RALGPS1: variants seen among roughly 807,000 people sequenced by gnomAD.
RALGPS1 encodes ras-specific guanine nucleotide-releasing factor RalGPS1.
In RALGPS1, 19 loss-of-function variants were observed where a neutral mutation model predicts 78.8. The observed-to-expected ratio is 0.24, with a 90% CI of 0.17 to 0.35. The LOEUF (loss-of-function observed/expected upper bound fraction) is 0.35, where lower values mean the gene tolerates loss of function less well. RALGPS1 is among the 10% of genes least tolerant of loss of function. RALGPS1 has a pLI of 1.00. For missense variants in RALGPS1, 454 were observed against 688.3 expected (o/e 0.66, Z 3.81); for synonymous variants, 228 against 256.3 (o/e 0.89, Z 1.06).
chr9:127,043,279 G>A (rs553813681), intron 5 of RALGPS1, among the ~76,000 whole-genome samples: 5 of 152,242 alleles, frequency 3.3e-5, no homozygotes, highest in South Asian at 2.1e-4. Context: ...CCCATAGGTC[G>A]ATGGAGCTGA....
At chr9:127,125,069 T>A (rs2789508) in intron 8 of RALGPS1, among the ~76,000 whole-genome samples, 1 of 152,188 alleles carries the variant, frequency 6.6e-6, no homozygotes, top group East Asian at 1.9e-4. Flanking sequence ...GGAGTCAGAT[T>A]CTAGTTCTAC....
Position 127,183,950 on chromosome 9 carries a change from A to C in RALGPS1, c.910+9168A>C, listed in dbSNP as rs1014401195. 9.7e-6 allele frequency: 15 copies of C among 1,550,340 alleles called. No homozygotes were observed. In the African/African-American group the frequency reaches 2.1e-4, roughly 21 times the overall value. ...CACCTCTGGCCAACACCCTGCCTGG[A>C]TGTGGCCCAGCTCCTCACGAGTACC... On this transcript the variant is annotated intron_variant, in intron 11 of 18. Coordinates refer to ENST00000259351, the MANE Select transcript of RALGPS1 (RefSeq NM_014636.3). This position sits in a 1 kb window ranked among gnomAD's most constrained non-coding sequence, Gnocchi z 4.0.
At chr9:126,958,770 G>A (rs979238987) in intron 1 of RALGPS1, among the ~76,000 whole-genome samples, 3 of 151,978 alleles carry the variant, frequency 2.0e-5, no homozygotes, top group African/African-American at 7.3e-5. Flanking sequence ...TCTTTTTTTA[G>A]GTAGATACCT....
At chr9:127,062,961 G>T (rs2049352350) in intron 7 of RALGPS1, among the ~76,000 whole-genome samples, 1 of 151,996 alleles carries the variant, frequency 6.6e-6, no homozygotes, top group Non-Finnish European at 1.5e-5. Flanking sequence ...GAATCCATTG[G>T]TCCATAGATT....
intron 8 of RALGPS1, among the ~76,000 whole-genome samples, chr9:127,130,178 T>A (rs10819268): frequency 0.18 from 26,729 of 152,184 alleles, 3,149 homozygotes; most frequent in East Asian, 0.45. Context: ...CTGTAACTTA[T>A]GAAATTTACC....
intron 8 of RALGPS1, among the ~76,000 whole-genome samples, chr9:127,132,679 T>C (rs752148095): frequency 6.6e-6 from 1 of 152,238 alleles, no homozygotes; most frequent in Non-Finnish European, 1.5e-5. Flanking sequence ...GGCCTGCCCT[T>C]CCCAGCTGAA....
At chr9:127,031,100 C>G (rs1452971058) in intron 4 of RALGPS1, among the ~76,000 whole-genome samples, 1 of 152,314 alleles carries the variant, frequency 6.6e-6, no homozygotes, top group East Asian at 1.9e-4. Context: ...CAGTGGCTCA[C>G]CACAGACACA....
At chr9:127,030,820 T>C (rs971897224) in intron 4 of RALGPS1, among the ~76,000 whole-genome samples, 3 of 152,068 alleles carry the variant, frequency 2.0e-5, no homozygotes, top group African/African-American at 4.8e-5. Flanking sequence ...CCCTCTTTCA[T>C]TAAAGCCAGA....
intron 4 of RALGPS1, among the ~76,000 whole-genome samples, chr9:127,019,862 C>A (rs2045278241): frequency 1.3e-5 from 2 of 152,068 alleles, no homozygotes. Context: ...GTGTTTCTCT[C>A]AATTGTATAA....
intron 17 of RALGPS1, chr9:127,213,816 C>T (rs1481488308): frequency 6.6e-6 from 1 of 152,250 alleles, no homozygotes; most frequent in Non-Finnish European, 1.5e-5. Flanking sequence ...TTGGATTCAA[C>T]AGATCTGGGG....
chr9:127,082,432 A>G (rs968640070), intron 8 of RALGPS1, among the ~76,000 whole-genome samples: 2 of 128,686 alleles, frequency 1.6e-5, no homozygotes, highest in African/African-American at 5.0e-5. Context: ...ACCTTCTGGT[A>G]TCAAGCTGCT....
chr9:126,939,839 C>G (rs1201368623), intron 1 of RALGPS1, among the ~76,000 whole-genome samples: 1 of 152,188 alleles, frequency 6.6e-6, no homozygotes, highest in East Asian at 1.9e-4. Flanking sequence ...AAGCAGAGAG[C>G]CTGCAGAGGA....
intron 1 of RALGPS1, among the ~76,000 whole-genome samples, chr9:126,955,248 T>A (rs1458154646): frequency 6.6e-6 from 1 of 152,244 alleles, no homozygotes; most frequent in Non-Finnish European, 1.5e-5. Flanking sequence ...AGGGACCTTC[T>A]GTGCCTGCCC....
intron 8 of RALGPS1, among the ~76,000 whole-genome samples, chr9:127,083,559 G>C (rs757828185): frequency 5.3e-5 from 8 of 152,214 alleles, no homozygotes; most frequent in Non-Finnish European, 1.0e-4. Context: ...TCTGGTTCCT[G>C]GCCCTTGTGA....
intron 3 of RALGPS1, among the ~76,000 whole-genome samples, chr9:126,969,015 T>C (rs2039823618): frequency 6.6e-6 from 1 of 151,562 alleles, no homozygotes; most frequent in Non-Finnish European, 1.5e-5. Flanking sequence ...GCCATTGCAC[T>C]CCAGCCTGGG....
At chr9:127,151,567 A>C (rs1327199882) in intron 8 of RALGPS1, among the ~76,000 whole-genome samples, 3 of 152,202 alleles carry the variant, frequency 2.0e-5, no homozygotes, top group Admixed American at 6.5e-5. Context: ...CGGAGGGGAA[A>C]GGGAAATAAA....
chr9:127,217,067 C>T, intron 18 of RALGPS1: 1 of 1,416,748 alleles, frequency 7.1e-7, no homozygotes, highest in Admixed American at 3.0e-5. Flanking sequence ...ACCCATTGTC[C>T]CTCTTTGGAG....
intron 4 of RALGPS1, among the ~76,000 whole-genome samples, chr9:127,031,199 TACACTCAA>T (rs2046405338): frequency 6.6e-6 from 1 of 152,236 alleles, no homozygotes; most frequent in African/African-American, 2.4e-5. Flanking sequence ...TTAACTAAAT[TACACTCAA>T]ATAAGTTCCA....
intron 8 of RALGPS1, among the ~76,000 whole-genome samples, chr9:127,165,549 A>G (rs56385978): frequency 0.38 from 57,337 of 152,152 alleles, 12,619 homozygotes; most frequent in Non-Finnish European, 0.48. Context: ...CTAGCTTTAG[A>G]GGGAATTTTT....
Sources: allele counts gnomAD v4.1 joint callset (sites outside exome capture counted in the v4.1 genomes callset), GRCh38; gene constraint gnomAD v4.1.1; non-coding constraint Gnocchi (gnomAD v3.1); transcripts MANE v1.5; gene names NCBI Gene and HGNC (gene_info 2026-07-23, HGNC 2026-07-21).